The following ERBB4 variants were observed in gnomAD, a reference collection of about 807,000 sequenced individuals.
ERBB4 encodes the protein erb-b2 receptor tyrosine kinase 4.
ERBB4 carries 42 observed loss-of-function variants against 158.0 expected under a neutral mutation model. The observed-to-expected ratio is 0.27, with a 90% CI of 0.21 to 0.34. The LOEUF is 0.34. Ranked by LOEUF, ERBB4 falls within the 10% of genes least tolerant of loss-of-function variation. The pLI, the probability that ERBB4 is intolerant of heterozygous loss-of-function variation, is 1.00. For synonymous variants in ERBB4, 583 were observed against 558.7 expected, an observed-to-expected ratio of 1.04 and a Z score of -0.61; for missense variants, 1,333 against 1,624.1, an observed-to-expected ratio of 0.82 and a Z score of 3.08.
intron 2 of ERBB4, among the ~76,000 whole-genome samples, chr2:212,028,617 A>C (rs951404836): frequency 1.3e-5 from 2 of 152,070 alleles, no homozygotes; most frequent in Non-Finnish European, 2.9e-5. Flanking sequence ...AAGCTAACAG[A>C]CTGCACGCAG....
At chr2:212,428,136 T>C (rs1362470788) in intron 1 of ERBB4, among the ~76,000 whole-genome samples, 3 of 152,314 alleles carry the variant, frequency 2.0e-5, no homozygotes, top group Non-Finnish European at 2.9e-5. Context: ...TTGTTATTTT[T>C]ATTAAGCTAT....
intron 3 of ERBB4, among the ~76,000 whole-genome samples, chr2:211,807,336 C>T (rs960734512): frequency 3.3e-5 from 5 of 152,198 alleles, no homozygotes; most frequent in East Asian, 1.9e-4. Context: ...ACGTTTCCTG[C>T]GCTGTGCCCA....
intron 1 of ERBB4, among the ~76,000 whole-genome samples, chr2:212,427,509 G>C (rs921176626): frequency 5.9e-5 from 9 of 152,164 alleles, no homozygotes; most frequent in Non-Finnish European, 1.5e-5. Flanking sequence ...ATAATTGTGA[G>C]AGTGCTTGTA....
intron 1 of ERBB4, among the ~76,000 whole-genome samples, chr2:212,304,780 C>T (rs2086747920): frequency 6.6e-6 from 1 of 151,196 alleles, no homozygotes; most frequent in African/African-American, 2.4e-5. Context: ...TTCTTTAGAG[C>T]AATTTCAATA....
At chr2:212,115,771 A>C (rs2079553040) in intron 2 of ERBB4, among the ~76,000 whole-genome samples, 1 of 152,022 alleles carries the variant, frequency 6.6e-6, no homozygotes, top group Non-Finnish European at 1.5e-5. Context: ...GGCCTTCCAA[A>C]GTGTTGTGAT....
intron 4 of ERBB4, among the ~76,000 whole-genome samples, chr2:211,767,672 C>T (rs577850828): frequency 1.3e-5 from 2 of 152,054 alleles, no homozygotes; most frequent in African/African-American, 2.4e-5. Context: ...GAGAAAAGCC[C>T]CTTATAAAAC....
chr2:211,571,314 T>C (rs1019207984), intron 19 of ERBB4, among the ~76,000 whole-genome samples: 2 of 152,142 alleles, frequency 1.3e-5, no homozygotes, highest in Non-Finnish European at 2.9e-5. Flanking sequence ...TTTTCCAACA[T>C]TAAGAAATAT....
At chr2:212,031,498 C>T (rs758252369) in intron 2 of ERBB4, among the ~76,000 whole-genome samples, 6 of 152,064 alleles carry the variant, frequency 3.9e-5, no homozygotes, top group Non-Finnish European at 8.8e-5. Flanking sequence ...ATGCAGACCC[C>T]CAGGCCACAA....
chr2:211,904,382 T>C (rs551519455), intron 3 of ERBB4, among the ~76,000 whole-genome samples: 1 of 152,276 alleles, frequency 6.6e-6, no homozygotes, highest in Admixed American at 6.6e-5. Flanking sequence ...TTTTAAAGCA[T>C]AAATGGACCC....
chr2:212,003,357 T>A (rs910397274), intron 2 of ERBB4, among the ~76,000 whole-genome samples: 1 of 143,780 alleles, frequency 7.0e-6, no homozygotes, highest in African/African-American at 2.5e-5. Flanking sequence ...AAGCAAATAA[T>A]GATTTGAAAA....
chr2:211,880,068 T>C (rs1385739370), intron 3 of ERBB4, among the ~76,000 whole-genome samples: 1 of 151,742 alleles, frequency 6.6e-6, no homozygotes, highest in Non-Finnish European at 1.5e-5. Context: ...AATTTTCACA[T>C]ATTATTGAAA....
intron 4 of ERBB4, among the ~76,000 whole-genome samples, chr2:211,762,540 G>A (rs1045442930): frequency 6.6e-6 from 1 of 152,176 alleles, no homozygotes; most frequent in Non-Finnish European, 1.5e-5. Context: ...ATGGAGCAAT[G>A]GTGGATTAGT....
At chr2:211,966,906 T>C (rs2081325329) in intron 2 of ERBB4, among the ~76,000 whole-genome samples, 2 of 152,124 alleles carry the variant, frequency 1.3e-5, no homozygotes, top group Non-Finnish European at 2.9e-5. Flanking sequence ...CTTCACACAA[T>C]AGGTCAGGAG....
intron 1 of ERBB4, among the ~76,000 whole-genome samples, chr2:212,211,130 T>A (rs921217218): frequency 6.6e-6 from 1 of 152,128 alleles, no homozygotes; most frequent in Non-Finnish European, 1.5e-5. Context: ...AGTAAACATC[T>A]CTGCATCCAC....
chr2:212,408,183 C>T (rs957802383), intron 1 of ERBB4, among the ~76,000 whole-genome samples: 2 of 151,758 alleles, frequency 1.3e-5, no homozygotes, highest in Non-Finnish European at 2.9e-5. Context: ...CCTATCAAAC[C>T]ATCACCTAGG....
At chr2:212,060,690 C>T (rs913928860) in intron 2 of ERBB4, among the ~76,000 whole-genome samples, 1 of 148,856 alleles carries the variant, frequency 6.7e-6, no homozygotes, top group Non-Finnish European at 1.5e-5. Context: ...AACCATCATT[C>T]TCAGCAAATT....
At chr2:212,057,924 T>G (rs1422968672) in intron 2 of ERBB4, among the ~76,000 whole-genome samples, 2 of 151,906 alleles carry the variant, frequency 1.3e-5, no homozygotes, top group Non-Finnish European at 2.9e-5. Context: ...AAGAAATAAC[T>G]AAGATCAGAG....
chr2:212,133,396 G>GTTTTTTTTTTTTTTTTTTTT (rs575131971), intron 1 of ERBB4, among the ~76,000 whole-genome samples: 1 of 137,138 alleles, frequency 7.3e-6, no homozygotes, highest in African/African-American at 3.0e-5. Flanking sequence ...TCATTTTGGT[G>GTTTTTTTTTTTTTTTTTTTT]TTTTTTTTTT....
intron 3 of ERBB4, among the ~76,000 whole-genome samples, chr2:211,876,901 T>A (rs571176749): frequency 6.6e-6 from 1 of 152,192 alleles, no homozygotes; most frequent in Non-Finnish European, 1.5e-5. Flanking sequence ...AATGAAAAAA[T>A]TAACAAAGTT....
Sources: gnomAD v4.1 joint callset for allele counts (sites outside exome capture counted in the v4.1 genomes callset) on GRCh38, gnomAD v4.1.1 for gene constraint, MANE v1.5 for transcripts, NCBI Gene and HGNC (gene_info 2026-07-23, HGNC 2026-07-21) for gene names.